Variants in COL5A2 observed in about 807,000 individuals in gnomAD.
COL5A2 encodes collagen type V alpha 2 chain.
Under a neutral mutation model 208.2 loss-of-function variants are expected in COL5A2, and 23 were observed. That is an observed-to-expected ratio of 0.11 (90% CI 0.08 to 0.16). COL5A2 has a LOEUF of 0.16. COL5A2 is among the 10% of genes least tolerant of loss of function. The pLI is 1.00. For missense variants in COL5A2, 1,590 were observed against 1,956.4 expected (o/e 0.81, Z 3.53); for synonymous variants, 625 against 628.5 (o/e 0.99, Z 0.08).
At chr2:189,096,918 T>C (rs1273662807) in intron 6 of COL5A2, among the ~76,000 whole-genome samples, 1 of 152,178 alleles carries the variant, frequency 6.6e-6, no homozygotes, top group Non-Finnish European at 1.5e-5. Context: ...AAGAAAATTT[T>C]ATCCTCTAAC....
At chr2:189,428,426 T>C in the COL5A2 span, among the ~76,000 whole-genome samples, 1 of 152,156 alleles carries the variant, frequency 6.6e-6, no homozygotes, top group Non-Finnish European at 1.5e-5. Context: ...GAGACTAGCC[T>C]GGCTAACATA....
chr2:189,347,502 G>A, the COL5A2 span, among the ~76,000 whole-genome samples: 5,547 of 152,250 alleles, frequency 0.036, 118 homozygotes, highest in Admixed American at 0.05. Context: ...TTTCAGGTAT[G>A]AGAAATTGAC....
intron 41 of COL5A2, among the ~76,000 whole-genome samples, 175 bp from the exon 42 acceptor site, chr2:189,051,656 G>C (rs1685792100): frequency 6.6e-6 from 1 of 152,114 alleles, no homozygotes; most frequent in Non-Finnish European, 1.5e-5. Context: ...AGAAAACACA[G>C]CTGTAGATTC....
chr2:189,214,178 G>A (rs1225070204), intron 1 of COL5A2, among the ~76,000 whole-genome samples: 1 of 151,902 alleles, frequency 6.6e-6, no homozygotes, highest in Non-Finnish European at 1.5e-5. Context: ...CATCTATTCA[G>A]CAATTCCATT....
chr2:189,113,104 A>C (rs1014295346), intron 1 of COL5A2, among the ~76,000 whole-genome samples: 1 of 152,182 alleles, frequency 6.6e-6, no homozygotes. Flanking sequence ...AGTTAAGTGC[A>C]TATGTGCCTA....
chr2:189,126,884 T>G (rs1258150386), intron 1 of COL5A2, among the ~76,000 whole-genome samples: 1 of 152,072 alleles, frequency 6.6e-6, no homozygotes, highest in African/African-American at 2.4e-5. Context: ...GAGTACCTAT[T>G]ATGTGCCATT....
rs1685387832 is a variant in COL5A2, at chr2:189,033,855, A to G, written c.*215T>C. The G allele has an allele frequency of 9.4e-6, 6 of 637,262 alleles. No homozygotes were observed. In the South Asian group the frequency reaches 1.2e-4, roughly 13 times the overall value. The allele number at this position is 637,262 out of a possible 1,614,324, so 39.5% of individuals were successfully genotyped here. ...ATCTTAAACCTAAACTGTTGTATTG[A>G]AAAATATTTAAAATCAATTAAAACT... On this transcript the variant is annotated 3_prime_UTR_variant, in exon 54 of 54. Coordinates refer to ENST00000374866, the MANE Select transcript of COL5A2 (RefSeq NM_000393.5).
intron 1 of COL5A2, among the ~76,000 whole-genome samples, chr2:189,217,412 T>C (rs2105874597): frequency 6.6e-6 from 1 of 152,212 alleles, no homozygotes; most frequent in East Asian, 1.9e-4. Context: ...CTTTCCTTTG[T>C]GGTCCAGTGC....
the COL5A2 span, among the ~76,000 whole-genome samples, chr2:189,354,743 T>C: frequency 2.0e-5 from 3 of 152,188 alleles, no homozygotes; most frequent in African/African-American, 7.2e-5. Flanking sequence ...CCTGTATTCA[T>C]TGATTTTTTG....
At chr2:189,292,423 C>T in the COL5A2 span, among the ~76,000 whole-genome samples, 6 of 152,156 alleles carry the variant, frequency 3.9e-5, no homozygotes, top group African/African-American at 1.4e-4. Context: ...AAAGAACAAC[C>T]CCATCAAAAA....
chr2:189,091,479 A>T (rs948280314), intron 7 of COL5A2, among the ~76,000 whole-genome samples: 3 of 152,200 alleles, frequency 2.0e-5, no homozygotes, highest in Admixed American at 1.3e-4. Context: ...AACTATCAGC[A>T]TCAAAGCAAA....
the COL5A2 span, among the ~76,000 whole-genome samples, chr2:189,340,345 T>C: frequency 1.3e-5 from 2 of 152,168 alleles, no homozygotes; most frequent in African/African-American, 2.4e-5. Flanking sequence ...CTAGGAAAGA[T>C]GGGATTGGAG....
At chr2:189,430,505 C>T in the COL5A2 span, among the ~76,000 whole-genome samples, 400 of 152,306 alleles carry the variant, frequency 2.6e-3, 6 homozygotes, top group Non-Finnish European at 3.7e-3. Flanking sequence ...CTGTGCTTTT[C>T]CCAAGGTCTT....
the COL5A2 span, among the ~76,000 whole-genome samples, chr2:189,404,690 C>A: frequency 6.6e-6 from 1 of 152,150 alleles, no homozygotes; most frequent in African/African-American, 2.4e-5. Context: ...CTCTGGAGAA[C>A]CCTAACTAAT....
the COL5A2 span, among the ~76,000 whole-genome samples, chr2:189,397,936 A>C: frequency 1.3e-5 from 2 of 152,036 alleles, no homozygotes; most frequent in Admixed American, 6.5e-5. Flanking sequence ...TCAAAAGTTT[A>C]TCTCTAAACA....
chr2:189,360,198 G>T, the COL5A2 span, among the ~76,000 whole-genome samples: 6 of 151,996 alleles, frequency 3.9e-5, no homozygotes, highest in Admixed American at 3.3e-4. Flanking sequence ...AAGAACTCCT[G>T]TCTTAAGGAT....
At chr2:189,391,391 G>A in the COL5A2 span, among the ~76,000 whole-genome samples, 4 of 152,102 alleles carry the variant, frequency 2.6e-5, no homozygotes, top group Non-Finnish European at 5.9e-5. Flanking sequence ...AGTCTCCTCC[G>A]ATGATGACAA....
At chr2:189,053,136 G>T in intron 38 of COL5A2, 118 bp from the exon 39 acceptor site, 1 of 896,510 alleles carries the variant, frequency 1.1e-6, no homozygotes. Flanking sequence ...TTTATAATCA[G>T]TATTAAAGCA....
At chr2:189,205,067 T>A (rs1251413550) in intron 1 of COL5A2, among the ~76,000 whole-genome samples, 2 of 152,160 alleles carry the variant, frequency 1.3e-5, no homozygotes, top group African/African-American at 2.4e-5. Context: ...ACTGAAGGAT[T>A]TTATTGATAG....
Sources: gnomAD v4.1 joint callset for allele counts (sites outside exome capture counted in the v4.1 genomes callset) on GRCh38, gnomAD v4.1.1 for gene constraint, MANE v1.5 for transcripts, NCBI Gene and HGNC (gene_info 2026-07-23, HGNC 2026-07-21) for gene names.